The following PLA2G4C variants were observed in gnomAD, a reference collection of about 807,000 sequenced individuals.
PLA2G4C encodes phospholipase A2 group IVC, also known as cytosolic phospholipase A2 gamma.
A neutral mutation model predicts 73.8 loss-of-function variants in PLA2G4C; 64 were observed. The ratio of observed to expected loss-of-function variants is 0.87; its 90% CI spans 0.71 to 1.07. PLA2G4C has a LOEUF of 1.07. Ranked by LOEUF, PLA2G4C falls within the 50% of genes least tolerant of loss-of-function variation. PLA2G4C has a pLI of 0.00. For synonymous variants in PLA2G4C, 254 were observed against 252.1 expected (o/e 1.01, Z -0.07); for missense variants, 622 against 665.4 (o/e 0.93, Z 0.72).
intron 6 of PLA2G4C, 89 bp from the exon 7 acceptor site, chr19:48,095,693 A>C: frequency 2.3e-6 from 3 of 1,302,188 alleles, no homozygotes; most frequent in Non-Finnish European, 3.3e-6. Context: ...TTAATGAGGA[A>C]TTACAACCAT....
chr19:48,073,855 C>T (rs1788376602), intron 12 of PLA2G4C, among the ~76,000 whole-genome samples: 1 of 152,050 alleles, frequency 6.6e-6, no homozygotes, highest in Non-Finnish European at 1.5e-5. Context: ...CAAGCACTTA[C>T]TAATCACCAA....
chr19:48,097,251 CTTTTTTT>C (rs1176855747), intron 6 of PLA2G4C: 27,924 of 86,356 alleles, frequency 0.32, 4,023 homozygotes, highest in East Asian at 0.62. Flanking sequence ...TTTCTTTTTT[CTTTTTTT>C]TTTTTTTTTT....
intron 15 of PLA2G4C, 128 bp from the exon 16 acceptor site, chr19:48,053,275 C>T (rs936945247): frequency 1.9e-6 from 1 of 522,860 alleles, no homozygotes; most frequent in Non-Finnish European, 3.2e-6. Flanking sequence ...CGGCCCACTA[C>T]TTTGGCTTTA....
At chr19:48,102,707 A>T (rs879346939) in intron 4 of PLA2G4C, among the ~76,000 whole-genome samples, 3 of 152,184 alleles carry the variant, frequency 2.0e-5, no homozygotes, top group African/African-American at 4.8e-5. Flanking sequence ...TTTGACTCTG[A>T]TGAGGCCTTT....
chr19:48,063,106 G>A (rs111789631), intron 13 of PLA2G4C, among the ~76,000 whole-genome samples: 1,630 of 152,014 alleles, frequency 0.011, 34 homozygotes, highest in African/African-American at 0.037. Context: ...GTGCAGTGGC[G>A]CAATCTCCAC....
chr19:48,091,679 A>C (rs1234365306), intron 7 of PLA2G4C, among the ~76,000 whole-genome samples: 2 of 152,040 alleles, frequency 1.3e-5, no homozygotes, highest in African/African-American at 4.8e-5. Flanking sequence ...AATTGAAGTC[A>C]GGAGTTTAAA....
intron 4 of PLA2G4C, among the ~76,000 whole-genome samples, chr19:48,102,052 C>A (rs369178325): frequency 6.6e-6 from 1 of 152,182 alleles, no homozygotes; most frequent in East Asian, 1.9e-4. Flanking sequence ...TTTCAAAGAC[C>A]TAGTCTGACA....
intron 1 of PLA2G4C, chr19:48,108,777 A>C (rs2032351851): frequency 6.6e-6 from 1 of 152,096 alleles, no homozygotes; most frequent in Non-Finnish European, 1.5e-5. Context: ...AAAAGTACAA[A>C]AGTCACCTGG....
chr19:48,097,251 C>CTTTTTTTTTTTTTT (rs1176855747), intron 6 of PLA2G4C: 6 of 86,574 alleles, frequency 6.9e-5, no homozygotes, highest in Non-Finnish European at 8.8e-5. Flanking sequence ...TTTCTTTTTT[C>CTTTTTTTTTTTTTT]TTTTTTTTTT....
chr19:48,076,064 A>G (rs2030132718), intron 11 of PLA2G4C, among the ~76,000 whole-genome samples: 1 of 152,232 alleles, frequency 6.6e-6, no homozygotes, highest in South Asian at 2.1e-4. Context: ...TCCAGCCTCC[A>G]GAACTGAGAA....
intron 4 of PLA2G4C, among the ~76,000 whole-genome samples, chr19:48,101,002 G>A (rs1052585381): frequency 1.4e-5 from 2 of 147,984 alleles, no homozygotes; most frequent in African/African-American, 2.5e-5. Flanking sequence ...ATAAAGAAAA[G>A]AGGTTTATTT....
intron 7 of PLA2G4C, among the ~76,000 whole-genome samples, chr19:48,092,423 G>T (rs1317606671): frequency 1.3e-5 from 2 of 152,184 alleles, no homozygotes; most frequent in South Asian, 2.1e-4. Flanking sequence ...CAAAAGAATT[G>T]AAAGCAGGGT....
intron 16 of PLA2G4C, among the ~76,000 whole-genome samples, chr19:48,048,953 A>G (rs1014061602): frequency 2.0e-5 from 3 of 152,106 alleles, no homozygotes; most frequent in African/African-American, 7.2e-5. Context: ...TTCTTGCTCT[A>G]TTAGTTCACT....
At chr19:48,110,359 T>TA (rs2032431193) in intron 1 of PLA2G4C, 128 bp downstream of exon 1, 11 of 594,594 alleles carry the variant, frequency 1.8e-5, no homozygotes, top group Non-Finnish European at 2.6e-5. Flanking sequence ...AAAAAATAAA[T>TA]AAATAAATAA....
Position 48,072,118 on chromosome 19 carries a change from C to T in PLA2G4C, c.1006+2649G>A, listed in dbSNP as rs867167910. On this transcript the variant is annotated intron_variant, in intron 12 of 16. Transcript: ENST00000599921. The surrounding 1 kb of genome is among the most constrained non-coding windows in gnomAD (Gnocchi z 4.4). Reference sequence around the variant, plus strand: ...CCAAGATTGCACCACCGCACTCCAGCTTGGGTGACAGAGCGAGACTCCATC... The same window carrying T: ...CCAAGATTGCACCACCGCACTCCAGTTTGGGTGACAGAGCGAGACTCCATC... Among the ~76,000 whole-genome samples the T allele has an allele frequency of 1.3e-5, 2 of 152,022 alleles. No individual in the cohort carries two copies. Among genetic ancestry groups the T allele is most frequent in the Non-Finnish European group, 1.5e-5 (1 of 67,994 alleles).
chr19:48,097,403 C>A (rs2031651302), intron 6 of PLA2G4C, among the ~76,000 whole-genome samples: 1 of 150,650 alleles, frequency 6.6e-6, no homozygotes, highest in Admixed American at 6.6e-5. Flanking sequence ...CAGGCGCCCG[C>A]CGCCACGCCC....
At chr19:48,063,641 C>T (rs1378211504) in intron 13 of PLA2G4C, among the ~76,000 whole-genome samples, 1 of 142,174 alleles carries the variant, frequency 7.0e-6, no homozygotes, top group Non-Finnish European at 1.5e-5. Context: ...CTGAATGAAC[C>T]CTTCCTCTTG....
rs763858960 is a variant in PLA2G4C at position 48,104,617 on chromosome 19, C to T, written c.228G>A (p.Thr76=). The change falls in exon 4 of 17, where the codon ACG becomes ACA. Residue 76 remains threonine, a synonymous_variant. Coordinates refer to ENST00000599921, the MANE Select transcript of PLA2G4C (RefSeq NM_003706.3). ...MKEQGLLDAV[T]YLAGVSGSTW... is the part of the protein sequence containing the mutation. ...TGGATCCAGAGACCCCTGCGAGGTACGTGACGGCATCCAACAGGCCCTGTT... is the reference window on the plus strand; with the variant it reads ...TGGATCCAGAGACCCCTGCGAGGTATGTGACGGCATCCAACAGGCCCTGTT... 3.5e-5 allele frequency: 57 copies of T among 1,613,966 alleles called. No homozygotes were observed. Among genetic ancestry groups the T allele is most frequent in the East Asian group, 4.5e-5 (2 of 44,882 alleles).
At chr19:48,109,707 T>A (rs937022072) in intron 1 of PLA2G4C, among the ~76,000 whole-genome samples, 2 of 152,234 alleles carry the variant, frequency 1.3e-5, no homozygotes, top group East Asian at 3.9e-4. Flanking sequence ...TGGAGTGCAG[T>A]GGCGCAGTCT....
Sources: gnomAD v4.1 joint callset for allele counts (sites outside exome capture counted in the v4.1 genomes callset) on GRCh38, gnomAD v4.1.1 for gene constraint, Gnocchi (gnomAD v3.1) non-coding constraint, MANE v1.5 for transcripts, NCBI Gene and HGNC (gene_info 2026-07-23, HGNC 2026-07-21) for gene names.